Variants in TOMM20 observed in about 807,000 individuals in gnomAD.
TOMM20 encodes the protein translocase of outer mitochondrial membrane 20, also known as mitochondrial import receptor subunit TOM20 homolog.
In TOMM20, 10 loss-of-function variants were observed where a neutral mutation model predicts 22.1. The observed-to-expected ratio is 0.45, with a 90% CI of 0.28 to 0.77. The LOEUF is 0.77. TOMM20 is among the 30% of genes least tolerant of loss of function. The pLI is 0.13. For missense variants in TOMM20, 121 were observed against 172.2 expected, an observed-to-expected ratio of 0.70 and a Z score of 1.66; for synonymous variants, 55 against 61.4, an observed-to-expected ratio of 0.90 and a Z score of 0.49.
At chr1:235,128,029 C>T (rs1261565977) in intron 1 of TOMM20, 1 of 353,934 alleles carries the variant, frequency 2.8e-6, no homozygotes, top group Non-Finnish European at 5.6e-6. Context: ...CAAAAAATCA[C>T]CGGGCGTGGT....
At chr1:235,125,521 G>C (rs1027788690) in intron 1 of TOMM20, among the ~76,000 whole-genome samples, 1 of 151,216 alleles carries the variant, frequency 6.6e-6, no homozygotes, top group African/African-American at 2.4e-5. Flanking sequence ...GGCCGCCTAA[G>C]TCTCTCTTCT....
intron 4 of TOMM20, among the ~76,000 whole-genome samples, chr1:235,112,388 G>A (rs1660753535): frequency 1.3e-5 from 2 of 152,134 alleles, no homozygotes; most frequent in African/African-American, 4.8e-5. Context: ...AACCCAGGCT[G>A]GAGTGCAGTA....
chr1:235,114,164 C>G (rs568978046), intron 3 of TOMM20, among the ~76,000 whole-genome samples: 1 of 152,196 alleles, frequency 6.6e-6, no homozygotes, highest in African/African-American at 2.4e-5. Context: ...AAGTATATTA[C>G]TATTTATATA....
At position 235,111,599 on chromosome 1, in the gene TOMM20, A is replaced by G. The variant is rs2102806492; in HGVS notation, c.*465T>C. The G allele has an allele frequency of 6.2e-6, 1 of 162,352 alleles. No homozygotes were observed. The highest frequency in any genetic ancestry group is 2.4e-5 in the African/African-American group (1 of 41,634). 10.1% of individuals were successfully genotyped at this position (162,352 alleles called of 1,614,324 possible). Reference sequence around the variant, plus strand: ...AGAGATTAAATGGAAAGAAAGGATCAATCAAAACCTTTAATGCTCAGTTTT... The same window carrying G: ...AGAGATTAAATGGAAAGAAAGGATCGATCAAAACCTTTAATGCTCAGTTTT... On this transcript the variant is annotated 3_prime_UTR_variant, in exon 5 of 5. Coordinates refer to ENST00000366607, the MANE Select transcript of TOMM20 (RefSeq NM_014765.3).
chr1:235,127,006 T>C (rs900858831), intron 1 of TOMM20, among the ~76,000 whole-genome samples: 4 of 152,244 alleles, frequency 2.6e-5, no homozygotes, highest in Non-Finnish European at 5.9e-5. Context: ...TTGAAAATGA[T>C]GGAGAAGTTA....
chr1:235,114,439 CTTTTTTTTTTT>C (rs67573955), intron 3 of TOMM20, among the ~76,000 whole-genome samples: 1 of 131,606 alleles, frequency 7.6e-6, no homozygotes, highest in South Asian at 2.4e-4. Context: ...CTTATTTTTT[CTTTTTTTTTTT>C]TTTTTTGAGA....
intron 1 of TOMM20, 135 bp downstream of exon 1, chr1:235,128,460 C>A (rs565139540): frequency 8.0e-6 from 11 of 1,376,926 alleles, no homozygotes; most frequent in East Asian, 2.3e-5. Context: ...GCGCAGCCAG[C>A]GCCATCGCCT....
intron 4 of TOMM20, 48 bp downstream of exon 4, chr1:235,113,720 G>T: frequency 1.3e-6 from 2 of 1,555,434 alleles, no homozygotes; most frequent in African/African-American, 1.4e-5. Context: ...CTAATCATTC[G>T]ATTCTAAATC....
chr1:235,121,537 G>A (rs1284252649), intron 2 of TOMM20, among the ~76,000 whole-genome samples: 1 of 152,184 alleles, frequency 6.6e-6, no homozygotes, highest in African/African-American at 2.4e-5. Flanking sequence ...CTATTACCAT[G>A]TCCAGTCAAC....
intron 4 of TOMM20, 98 bp from the exon 5 acceptor site, chr1:235,112,206 C>T (rs555657177): frequency 1.0e-6 from 1 of 977,672 alleles, no homozygotes; most frequent in Non-Finnish European, 1.5e-6. Context: ...AGAATTGAAT[C>T]TTAGTAAAGT....
At chr1:235,125,577 T>C (rs910548517) in intron 1 of TOMM20, among the ~76,000 whole-genome samples, 1 of 152,080 alleles carries the variant, frequency 6.6e-6, no homozygotes, top group African/African-American at 2.4e-5. Context: ...TGTGAAAAAC[T>C]GCTCTTTTAT....
chr1:235,125,077 T>C (rs187650596), intron 1 of TOMM20, among the ~76,000 whole-genome samples: 7 of 152,364 alleles, frequency 4.6e-5, no homozygotes, highest in African/African-American at 1.7e-4. Flanking sequence ...ACTCATAATT[T>C]AGAATGATAA....
chr1:235,123,824 C>T (rs1660970076), intron 1 of TOMM20, among the ~76,000 whole-genome samples: 2 of 152,138 alleles, frequency 1.3e-5, no homozygotes, highest in Admixed American at 1.3e-4. Context: ...TCTCTTAAGG[C>T]AGAAAATAAT....
intron 3 of TOMM20, chr1:235,119,505 T>C (rs1009760134): frequency 6.1e-5 from 12 of 197,562 alleles, no homozygotes; most frequent in Non-Finnish European, 1.2e-4. Context: ...GGCTATACAT[T>C]AGAAACTACT....
At chr1:235,125,940 T>C (rs546711058) in intron 1 of TOMM20, among the ~76,000 whole-genome samples, 2 of 150,582 alleles carry the variant, frequency 1.3e-5, no homozygotes, top group Non-Finnish European at 1.5e-5. Context: ...GTATTTTTAG[T>C]AGAGACGGGG....
chr1:235,113,886 T>C lies in TOMM20; in HGVS notation c.275A>G (p.His92Arg), dbSNP rs1177754612. 18 of 1,612,226 alleles carry C rather than the reference T, an allele frequency of 1.1e-5. No individual in the cohort carries two copies. Among genetic ancestry groups the C allele is most frequent in the Non-Finnish European group, 1.5e-5 (18 of 1,179,138 alleles). Residue 92 changes from histidine (H) to arginine (R), a missense_variant, in exon 4 of 5, where the codon CAT becomes CGT. Physicochemically the swap from His to Arg is conservative, Grantham distance 29 (BLOSUM62 0). Transcript: ENST00000366607. Reference sequence around the variant, plus strand: ...ACACACAGCAATTGCATTTGTCAGATGGTCTACGCCCTTCTCATATTCACC... The same window carrying C: ...ACACACAGCAATTGCATTTGTCAGACGGTCTACGCCCTTCTCATATTCACC... ...AQGEYEKGVD[H>R]LTNAIAVCGQ... is the part of the protein sequence containing the mutation.
At position 235,122,990 on chromosome 1, in the gene TOMM20, C is replaced by T. The variant is rs148642828; in HGVS notation, c.122-618G>A. Among the ~76,000 whole-genome samples the T allele has an allele frequency of 4.4e-3, 672 of 152,236 alleles. 7 individuals carry two copies. The highest frequency in any genetic ancestry group is 0.013 in the African/African-American group (532 of 41,552). The stretch of plus-strand genomic sequence containing the variant: ...CTACCAATGACATAGAGAGTAACTG[C>T]TGACATAGTTAAGAAAATGTAAGGC... On this transcript the variant is annotated intron_variant, in intron 1 of 4. Coordinates refer to ENST00000366607, the MANE Select transcript of TOMM20 (RefSeq NM_014765.3).
At chr1:235,126,090 AAGATAGATAGATAT>A (rs1558130967) in intron 1 of TOMM20, among the ~76,000 whole-genome samples, 1 of 150,068 alleles carries the variant, frequency 6.7e-6, no homozygotes, top group Non-Finnish European at 1.5e-5. Flanking sequence ...TAGATAGATA[AAGATAGATAGATAT>A]AGATATAAAT....
At chr1:235,116,648 T>C (rs373817678) in intron 3 of TOMM20, among the ~76,000 whole-genome samples, 1 of 150,156 alleles carries the variant, frequency 6.7e-6, no homozygotes, top group African/African-American at 2.5e-5. Flanking sequence ...GAGGTGGAAG[T>C]TGCAGTGAGC....
Sources: gnomAD v4.1 joint callset for allele counts (sites outside exome capture counted in the v4.1 genomes callset) on GRCh38, gnomAD v4.1.1 for gene constraint, MANE v1.5 for transcripts, NCBI Gene and HGNC (gene_info 2026-07-23, HGNC 2026-07-21) for gene names.